HS3ST4: variants seen among roughly 807,000 people sequenced by gnomAD.
The protein encoded by HS3ST4 is heparan sulfate glucosamine 3-O-sulfotransferase 4.
In HS3ST4, 17 loss-of-function variants were observed where a neutral mutation model predicts 29.2. That is an observed-to-expected ratio of 0.58 (90% CI 0.40 to 0.87). HS3ST4 has a LOEUF of 0.87. Ranked by LOEUF, HS3ST4 falls within the 40% of genes least tolerant of loss-of-function variation. The pLI is 0.00. For synonymous variants in HS3ST4, 314 were observed against 285.7 expected, an observed-to-expected ratio of 1.10 and a Z score of -1.00; for missense variants, 627 against 634.5, an observed-to-expected ratio of 0.99 and a Z score of 0.13.
At chr16:25,725,692 A>G (rs1271134898) in intron 1 of HS3ST4, among the ~76,000 whole-genome samples, 3 of 151,152 alleles carry the variant, frequency 2.0e-5, no homozygotes, top group Non-Finnish European at 4.4e-5. Flanking sequence ...ATTGCAATTT[A>G]TATATAATTT....
At chr16:25,779,602 G>C (rs181138962) in intron 1 of HS3ST4, among the ~76,000 whole-genome samples, 7 of 152,152 alleles carry the variant, frequency 4.6e-5, no homozygotes, top group Middle Eastern at 3.2e-3. Flanking sequence ...TCCCTTGTAG[G>C]AGAAAACATT....
intron 1 of HS3ST4, among the ~76,000 whole-genome samples, chr16:25,875,938 A>G (rs1429475065): frequency 6.6e-6 from 1 of 152,204 alleles, no homozygotes; most frequent in South Asian, 2.1e-4. Context: ...ATCTGAGGCC[A>G]TAACTCAGGC....
At chr16:25,758,019 A>C (rs1966767710) in intron 1 of HS3ST4, among the ~76,000 whole-genome samples, 1 of 152,094 alleles carries the variant, frequency 6.6e-6, no homozygotes, top group Non-Finnish European at 1.5e-5. Context: ...GCCTCTCTCC[A>C]GAGCCCCCAG....
chr16:26,018,951 G>C (rs941084133), intron 1 of HS3ST4, among the ~76,000 whole-genome samples: 1 of 152,038 alleles, frequency 6.6e-6, no homozygotes, highest in Non-Finnish European at 1.5e-5. Flanking sequence ...AGTTGGCCCA[G>C]CTCATTTGTT....
At chr16:25,752,939 C>T (rs1448848086) in intron 1 of HS3ST4, among the ~76,000 whole-genome samples, 1 of 152,160 alleles carries the variant, frequency 6.6e-6, no homozygotes, top group Non-Finnish European at 1.5e-5. Flanking sequence ...GAGGGAGTGT[C>T]GTATTGCAGG....
At chr16:26,127,394 C>T (rs1899359029) in intron 1 of HS3ST4, among the ~76,000 whole-genome samples, 1 of 152,222 alleles carries the variant, frequency 6.6e-6, no homozygotes. Context: ...AGGAGGATTG[C>T]TTGAAACCAG....
Position 26,135,887 on chromosome 16 carries a change from C to T in HS3ST4, c.1010C>T (p.Ala337Val), listed in dbSNP as rs749257368. ...SWSAIRIGIY[A>V]LHLENWLQYF... is the part of the protein sequence containing the mutation. ...AGTGCCATTCGAATAGGGATCTATG[C>T]GCTGCATCTGGAAAACTGGCTCCAG... The change falls in exon 2 of 2, where the codon GCG becomes GTG. Residue 337 changes from alanine to valine, a missense_variant. Ala to Val is a moderately conservative substitution (Grantham distance 64). Around this residue, in one of 2 missense-constraint regions of HS3ST4, gnomAD observed 225 missense variants for 293.7 expected, o/e 0.77. Coordinates refer to ENST00000331351, the MANE Select transcript of HS3ST4 (RefSeq NM_006040.3). 1.6e-5 allele frequency: 26 copies of T among 1,613,814 alleles called. No individual in the cohort carries two copies. The highest frequency in any genetic ancestry group is 4.5e-5 in the East Asian group (2 of 44,876).
chr16:25,890,405 G>A (rs1224183015), intron 1 of HS3ST4, among the ~76,000 whole-genome samples: 1 of 152,214 alleles, frequency 6.6e-6, no homozygotes, highest in Non-Finnish European at 1.5e-5. Flanking sequence ...ATGTGACATA[G>A]AGACAGAATA....
At chr16:26,013,970 C>T (rs962849857) in intron 1 of HS3ST4, among the ~76,000 whole-genome samples, 9 of 150,932 alleles carry the variant, frequency 6.0e-5, no homozygotes, top group Non-Finnish European at 1.3e-4. Flanking sequence ...ATCGCGCCAC[C>T]GCATTCCAGG....
chr16:26,023,842 T>G (rs1293947793), intron 1 of HS3ST4, among the ~76,000 whole-genome samples: 3 of 152,222 alleles, frequency 2.0e-5, no homozygotes, highest in African/African-American at 7.2e-5. Context: ...GGCTTGTCAC[T>G]TATAAGTTGT....
At chr16:25,763,162 C>T (rs1309712148) in intron 1 of HS3ST4, among the ~76,000 whole-genome samples, 1 of 152,144 alleles carries the variant, frequency 6.6e-6, no homozygotes, top group Non-Finnish European at 1.5e-5. Flanking sequence ...GCTAAGAAGG[C>T]TGCCACTACC....
rs2141818993 is a variant in HS3ST4, at chr16:26,137,400, C to T, written c.*1152C>T. 6.6e-6 allele frequency: 1 copy of T among 152,218 alleles called. No individual in the cohort carries two copies. Among genetic ancestry groups the T allele is most frequent in the South Asian group, 2.1e-4 (1 of 4,800 alleles). 9.4% of individuals were successfully genotyped at this position (152,218 alleles called of 1,614,324 possible). On this transcript the variant is annotated 3_prime_UTR_variant, in exon 2 of 2. Coordinates refer to ENST00000331351, the MANE Select transcript of HS3ST4 (RefSeq NM_006040.3). ...TGAGGTAGTGGCGAGAAAGCTGACT[C>T]CATTCATCAGATCCAGTTTATGAGG...
intron 1 of HS3ST4, among the ~76,000 whole-genome samples, chr16:26,091,418 A>G (rs1391880324): frequency 1.3e-5 from 2 of 152,186 alleles, no homozygotes; most frequent in Non-Finnish European, 2.9e-5. Flanking sequence ...AGATCCACAT[A>G]CACACTGATT....
chr16:25,771,048 G>A (rs1966841288), intron 1 of HS3ST4, among the ~76,000 whole-genome samples: 2 of 151,662 alleles, frequency 1.3e-5, no homozygotes, highest in African/African-American at 2.4e-5. Context: ...AGGTATACAC[G>A]TGCCATGGTG....
At chr16:25,899,429 A>G (rs1330653043) in intron 1 of HS3ST4, among the ~76,000 whole-genome samples, 1 of 152,150 alleles carries the variant, frequency 6.6e-6, no homozygotes, top group Non-Finnish European at 1.5e-5. Context: ...CCCTGAACCT[A>G]CAGAGGAAGG....
intron 1 of HS3ST4, among the ~76,000 whole-genome samples, chr16:25,842,043 T>C (rs1967418937): frequency 6.6e-6 from 1 of 152,212 alleles, no homozygotes; most frequent in South Asian, 2.1e-4. Flanking sequence ...AAACCATATT[T>C]GCAATATATT....
At chr16:25,721,714 T>G (rs1321209086) in intron 1 of HS3ST4, among the ~76,000 whole-genome samples, 1 of 152,162 alleles carries the variant, frequency 6.6e-6, no homozygotes, top group Non-Finnish European at 1.5e-5. Flanking sequence ...GCAAAGTGTG[T>G]ATGTGGGATA....
chr16:25,713,136 G>C (rs1364331748), intron 1 of HS3ST4, among the ~76,000 whole-genome samples: 1 of 152,070 alleles, frequency 6.6e-6, no homozygotes, highest in Non-Finnish European at 1.5e-5. Context: ...TGCCATGGTA[G>C]TTTGCTGCAC....
chr16:26,012,616 T>A (rs1422410060), intron 1 of HS3ST4, among the ~76,000 whole-genome samples: 1 of 152,198 alleles, frequency 6.6e-6, no homozygotes, highest in Non-Finnish European at 1.5e-5. Context: ...ATGAGACAGT[T>A]AAATGGTGTT....
Sources: gnomAD v4.1 joint callset for allele counts (sites outside exome capture counted in the v4.1 genomes callset) on GRCh38, gnomAD v4.1.1 for gene constraint, gnomAD v4.1.1 regional missense constraint, MANE v1.5 for transcripts, NCBI Gene and HGNC (gene_info 2026-07-23, HGNC 2026-07-21) for gene names.